The following ARF3 variants were observed in gnomAD, a reference collection of about 807,000 sequenced individuals.
ARF3 encodes the protein ARF GTPase 3, also known as ADP-ribosylation factor 3.
A neutral mutation model predicts 19.3 loss-of-function variants in ARF3; 5 were observed. The observed-to-expected ratio is 0.26, with a 90% CI of 0.14 to 0.54. The LOEUF is 0.54. Among genes scored for constraint, ARF3 ranks in the 20% least tolerant of loss-of-function variants. ARF3 has a pLI of 0.95. For missense variants in ARF3, 77 were observed against 234.2 expected (o/e 0.33, Z 4.38); for synonymous variants, 71 against 89.2 (o/e 0.80, Z 1.15).
chr12:48,938,022 C>T lies in ARF3; in HGVS notation c.*925G>A, dbSNP rs866531597. 5.7e-6 allele frequency: 1 copy of T among 174,732 alleles called. No individual in the cohort carries two copies. Among genetic ancestry groups the T allele is most frequent in the African/African-American group, 2.4e-5 (1 of 42,418 alleles). 10.8% of individuals were successfully genotyped at this position (174,732 alleles called of 1,614,324 possible). Reference sequence around the variant, plus strand: ...CCATGGACTTGCCATCCCCACCCCCCAGTCAAGCTCCAGAGGAACAGATCT... The same window carrying T: ...CCATGGACTTGCCATCCCCACCCCCTAGTCAAGCTCCAGAGGAACAGATCT... On this transcript the variant is annotated 3_prime_UTR_variant, in exon 5 of 5. Coordinates refer to ENST00000256682, the MANE Select transcript of ARF3 (RefSeq NM_001659.3).
chr12:48,943,793 T>C (rs1341089808), intron 1 of ARF3, among the ~76,000 whole-genome samples: 2 of 152,146 alleles, frequency 1.3e-5, no homozygotes, highest in Non-Finnish European at 1.5e-5. Flanking sequence ...CGTGGCACTC[T>C]CAGTAGGTTC....
At chr12:48,952,042 G>A (rs1334272607) in intron 1 of ARF3, among the ~76,000 whole-genome samples, 1 of 152,004 alleles carries the variant, frequency 6.6e-6, no homozygotes, top group Non-Finnish European at 1.5e-5. Context: ...AAAAGAGGGA[G>A]GATCCAAAGC....
chr12:48,949,563 AAC>A (rs764000293), intron 1 of ARF3, among the ~76,000 whole-genome samples: 3 of 150,834 alleles, frequency 2.0e-5, no homozygotes, highest in Non-Finnish European at 3.0e-5. Context: ...TGTTTTTAGA[AAC>A]AGAGTCTCAC....
In ARF3 at chr12:48,939,597, A is replaced by G; in HGVS notation, c.384+58T>C. On this transcript the variant is annotated intron_variant, in intron 4 of 4. Coordinates refer to ENST00000256682, the MANE Select transcript of ARF3 (RefSeq NM_001659.3). The surrounding 1 kb of genome is among the most constrained non-coding windows in gnomAD (Gnocchi z 4.8). ...TAACCATATAATAGGCCCAAGAGCC[A>G]ACAATTTCCACAGCCAGTTTGCTGT... 1.9e-6 allele frequency: 3 copies of G among 1,611,974 alleles called. No individual in the cohort carries two copies. Among genetic ancestry groups the G allele is most frequent in the Non-Finnish European group, 2.5e-6 (3 of 1,178,350 alleles).
At position 48,939,330 on chromosome 12, in the gene ARF3, G is replaced by T. The variant is rs1453143210; in HGVS notation, c.385-222C>A. 1.3e-5 allele frequency among the ~76,000 whole-genome samples: 2 copies of T among 152,166 alleles called. No homozygotes were observed. The highest frequency in any genetic ancestry group is 2.9e-5 in the Non-Finnish European group (2 of 68,048). ...CTGAAGAATTGGAAACCAAATACGA[G>T]GATGGTGGGGAAGCAAGAGACGTGA... On this transcript the variant is annotated intron_variant, in intron 4 of 4. Transcript: ENST00000256682. The surrounding 1 kb of genome is among the most constrained non-coding windows in gnomAD (Gnocchi z 4.8).
At chr12:48,954,693 T>A (rs1159736905) in intron 1 of ARF3, among the ~76,000 whole-genome samples, 1 of 152,210 alleles carries the variant, frequency 6.6e-6, no homozygotes, top group Admixed American at 6.5e-5. Flanking sequence ...TTAATTACTA[T>A]ACCATTCTGC....
intron 1 of ARF3, among the ~76,000 whole-genome samples, chr12:48,951,354 G>A (rs11168798): frequency 0.34 from 49,294 of 147,008 alleles, 9,049 homozygotes; most frequent in Admixed American, 0.49. Flanking sequence ...TGAGGTCAGG[G>A]GTTTGAGACC....
chr12:48,943,784 G>A (rs776099924), intron 1 of ARF3, among the ~76,000 whole-genome samples: 141 of 152,272 alleles, frequency 9.3e-4, no homozygotes, highest in Non-Finnish European at 1.2e-3. Flanking sequence ...TGAGCCAGGC[G>A]TGGCACTCTC....
At chr12:48,955,358 A>G (rs1465573984) in intron 1 of ARF3, among the ~76,000 whole-genome samples, 1 of 152,232 alleles carries the variant, frequency 6.6e-6, no homozygotes, top group African/African-American at 2.4e-5. Context: ...CAATTCATAT[A>G]TAACACTTTG....
chr12:48,940,424 T>C (rs189341537), intron 2 of ARF3, among the ~76,000 whole-genome samples: 239 of 152,306 alleles, frequency 1.6e-3, no homozygotes, highest in African/African-American at 5.1e-3. Context: ...CCTGCTCTGG[T>C]ACTTTGGCTA....
At chr12:48,950,442 T>C (rs7967350) in intron 1 of ARF3, among the ~76,000 whole-genome samples, 136,200 of 152,258 alleles carry the variant, frequency 0.89, 62,102 homozygotes, top group East Asian at 1. Context: ...CCACCTCGGC[T>C]TCCCAAAGTT....
intron 1 of ARF3, among the ~76,000 whole-genome samples, chr12:48,951,585 T>A (rs1412671501): frequency 2.0e-5 from 3 of 147,402 alleles, no homozygotes; most frequent in Admixed American, 6.9e-5. Flanking sequence ...AATAAATAAA[T>A]AAATAATAAA....
In ARF3 at chr12:48,941,160, G is replaced by A; in HGVS notation, c.-65C>T. The stretch of plus-strand genomic sequence containing the variant: ...TAGGGGCAGTGGCAGTCTGGTTTTG[G>A]CCTGGTCCCTGGTATGGAAGACTTG... On this transcript the variant is annotated 5_prime_UTR_variant, in exon 2 of 5. Coordinates refer to ENST00000256682, the MANE Select transcript of ARF3 (RefSeq NM_001659.3). 2 of 1,528,874 alleles carry A rather than the reference G, an allele frequency of 1.3e-6. No individual in the cohort carries two copies. 94.7% of individuals were successfully genotyped at this position (1,528,874 alleles called of 1,614,324 possible). A position where few individuals can be genotyped will look rare whatever the true frequency, so the allele number is the denominator to read the frequency against.
intron 1 of ARF3, among the ~76,000 whole-genome samples, chr12:48,950,430 G>A (rs146544449): frequency 1.0e-3 from 159 of 151,982 alleles, no homozygotes; most frequent in African/African-American, 3.5e-3. Context: ...CAAGTGATCC[G>A]CCCACCTCGG....
In ARF3 at chr12:48,940,013, G is replaced by A. The variant is rs1343668829; in HGVS notation, c.243C>T (p.Tyr81=). 6.2e-7 allele frequency: 1 copy of A among 1,613,900 alleles called. No homozygotes were observed. Among genetic ancestry groups the A allele is most frequent in the Non-Finnish European group, 8.5e-7 (1 of 1,179,892 alleles). ...QDKIRPLWRH[Y]FQNTQGLIFV... is the part of the protein sequence containing the mutation. ...TGAGCATACCTTGGGTGTTCTGGAAGTAGTGTCTCCAGAGGGGTCGAATCT... is the reference window on the plus strand; with the variant it reads ...TGAGCATACCTTGGGTGTTCTGGAAATAGTGTCTCCAGAGGGGTCGAATCT... The change falls in exon 3 of 5, where the codon TAC becomes TAT. Residue 81 remains tyrosine, a synonymous_variant. Coordinates refer to ENST00000256682, the MANE Select transcript of ARF3 (RefSeq NM_001659.3).
intron 1 of ARF3, among the ~76,000 whole-genome samples, chr12:48,951,079 A>G (rs1354708985): frequency 6.6e-6 from 1 of 152,064 alleles, no homozygotes; most frequent in Non-Finnish European, 1.5e-5. Flanking sequence ...GAGCCACTGC[A>G]CCCGGCCTAT....
At position 48,940,156 on chromosome 12, in the gene ARF3, C is replaced by T. The variant is rs201831792; in HGVS notation, c.149-49G>A. The T allele has an allele frequency of 4.3e-5, 62 of 1,454,804 alleles. 1 individual carries two copies. The East Asian group carries it at 1.3e-3, about 30-fold the overall frequency. 90.1% of individuals were successfully genotyped at this position (1,454,804 alleles called of 1,614,324 possible). On this transcript the variant is annotated intron_variant, in intron 2 of 4. Coordinates refer to ENST00000256682, the MANE Select transcript of ARF3 (RefSeq NM_001659.3). ...GCCACTTGGCCTCAAACACTAGCCC[C>T]GCAAACACCACCACAATGAGTTTGG...
At chr12:48,952,517 C>T (rs1027128781) in intron 1 of ARF3, among the ~76,000 whole-genome samples, 3 of 152,188 alleles carry the variant, frequency 2.0e-5, no homozygotes, top group Non-Finnish European at 4.4e-5. Flanking sequence ...ATCCAATGCC[C>T]ACCTCTACAG....
intron 1 of ARF3, among the ~76,000 whole-genome samples, chr12:48,945,628 C>A (rs1940345604): frequency 1.3e-5 from 2 of 151,862 alleles, no homozygotes; most frequent in African/African-American, 4.8e-5. Context: ...GAGGCTCAGG[C>A]AGGAGAATCG....
Sources: allele counts gnomAD v4.1 joint callset (sites outside exome capture counted in the v4.1 genomes callset), GRCh38; gene constraint gnomAD v4.1.1; non-coding constraint Gnocchi (gnomAD v3.1); transcripts MANE v1.5; gene names NCBI Gene and HGNC (gene_info 2026-07-23, HGNC 2026-07-21).